PFKP: variants seen among roughly 807,000 people sequenced by gnomAD.
PFKP encodes the protein ATP-dependent 6-phosphofructokinase, platelet type.
A neutral mutation model predicts 94.3 loss-of-function variants in PFKP; 101 were observed. The observed-to-expected ratio is 1.07, with a 90% CI of 0.91 to 1.26. The LOEUF (loss-of-function observed/expected upper bound fraction) is 1.26, where lower values mean the gene tolerates loss of function less well. PFKP is among the 50% of genes most tolerant of loss of function. The pLI is 0.00. For missense variants in PFKP, 1,145 were observed against 1,103.3 expected (o/e 1.04, Z -0.53); for synonymous variants, 573 against 432.6 (o/e 1.32, Z -4.03).
At chr10:3,130,048 C>G in intron 17 of PFKP, 65 bp downstream of exon 17, 12 of 1,434,490 alleles carry the variant, frequency 8.4e-6, no homozygotes, top group Non-Finnish European at 1.1e-5. Context: ...CGGAGTGAAT[C>G]ATCGTGTCTA....
intron 5 of PFKP, 60 bp from the exon 6 acceptor site, chr10:3,105,055 G>C (rs959641797): frequency 2.7e-6 from 4 of 1,497,300 alleles, no homozygotes; most frequent in African/African-American, 1.4e-5. Context: ...CTGAGTGGGT[G>C]CTCCCTCTGT....
intron 1 of PFKP, among the ~76,000 whole-genome samples, chr10:3,073,084 G>T (rs1341937382): frequency 5.3e-5 from 8 of 151,888 alleles, no homozygotes; most frequent in Non-Finnish European, 1.2e-4. Flanking sequence ...TGGAATTACA[G>T]TCATTGTGCT....
intron 1 of PFKP, among the ~76,000 whole-genome samples, chr10:3,079,241 CT>C (rs71383139): frequency 6.6e-6 from 1 of 150,454 alleles, no homozygotes; most frequent in Non-Finnish European, 1.5e-5. Flanking sequence ...TCATGTCCAG[CT>C]TTTTTTTTCT....
Position 3,103,950 on chromosome 10 carries a change from G to A in PFKP, c.620+6G>A. 6.2e-7 allele frequency: 1 copy of A among 1,612,830 alleles called. No individual in the cohort carries two copies. ...ATCATGACCACGGCCCAGAGGTAAAGCGCTCAGAGGAACCGGCGGGAGGCC... is the reference window on the plus strand; with the variant it reads ...ATCATGACCACGGCCCAGAGGTAAAACGCTCAGAGGAACCGGCGGGAGGCC... On this transcript the variant is annotated splice_donor_region_variant and intron_variant, in intron 5 of 21. Transcript: ENST00000381125.
chr10:3,104,552 G>T (rs1208026681), intron 5 of PFKP, among the ~76,000 whole-genome samples: 4 of 152,242 alleles, frequency 2.6e-5, no homozygotes, highest in Non-Finnish European at 5.9e-5. Context: ...CTGTGTGCGT[G>T]TCCTGTTCCC....
chr10:3,083,346 T>C lies in PFKP; in HGVS notation c.186+885T>C, dbSNP rs145335254. Among the ~76,000 whole-genome samples, 947 of 152,296 alleles carry C rather than the reference T, an allele frequency of 6.2e-3. 9 individuals are homozygous for C. Among genetic ancestry groups the C allele is most frequent in the African/African-American group, 0.021 (889 of 41,556 alleles). ...AAAGTATTTGAAAGGAAGGCACCAATAGAGTTTGGATCACAGTATTAATTT... is the reference window on the plus strand; with the variant it reads ...AAAGTATTTGAAAGGAAGGCACCAACAGAGTTTGGATCACAGTATTAATTT... On this transcript the variant is annotated intron_variant, in intron 2 of 21. Transcript: ENST00000381125.
chr10:3,069,025 GCCGCCCCGC>G (rs937671557), intron 1 of PFKP, among the ~76,000 whole-genome samples: 7 of 150,342 alleles, frequency 4.7e-5, no homozygotes, highest in Admixed American at 2.6e-4. Flanking sequence ...CGCTGTGGGC[GCCGCCCCGC>G]CCGCCACGAG....
At position 3,133,134 on chromosome 10, in the gene PFKP, A is replaced by G. The variant is rs1405200682; in HGVS notation, c.1911-69A>G. Reference sequence around the variant, plus strand: ...TGCGGGAGTCCAGCCTCCCAGGGCCATCTCCCCAAGCAGGGAGCCACGTGC... The same window carrying G: ...TGCGGGAGTCCAGCCTCCCAGGGCCGTCTCCCCAAGCAGGGAGCCACGTGC... On this transcript the variant is annotated intron_variant, in intron 18 of 21. Transcript: ENST00000381125. The G allele has an allele frequency of 3.6e-6, 4 of 1,117,254 alleles. No individual in the cohort carries two copies. The East Asian group carries it at 7.0e-5, about 20-fold the overall frequency. 69.2% of individuals were successfully genotyped at this position (1,117,254 alleles called of 1,614,324 possible).
intron 16 of PFKP, among the ~76,000 whole-genome samples, chr10:3,128,536 T>C (rs563218011): frequency 7.2e-5 from 11 of 152,226 alleles, no homozygotes; most frequent in Admixed American, 2.6e-4. Flanking sequence ...GCAGGAGCCA[T>C]GGGCTGAGGC....
At chr10:3,092,283 C>A (rs1834105055) in intron 2 of PFKP, among the ~76,000 whole-genome samples, 1 of 152,186 alleles carries the variant, frequency 6.6e-6, no homozygotes, top group Non-Finnish European at 1.5e-5. Flanking sequence ...ATAAACAAAC[C>A]ATTAACTTAT....
chr10:3,105,458 C>A lies in PFKP; in HGVS notation c.731C>A (p.Pro244Gln), dbSNP rs1184355429. ...TGGGTGTTCCTTCCAGAATCTCCAC[C>A]AGAGGAAGGCTGGGAGGAGCAGATG... ...ADWVFLPESP[P>Q]EEGWEEQMCV... The change falls in exon 7 of 22, where the codon CCA (proline) becomes CAA (glutamine). Residue 244 changes from proline to glutamine, a missense_variant. Coordinates refer to ENST00000381125, the MANE Select transcript of PFKP (RefSeq NM_002627.5). 3.1e-6 allele frequency: 5 copies of A among 1,613,766 alleles called. No homozygotes were observed. The highest frequency in any genetic ancestry group is 3.4e-6 in the Non-Finnish European group (4 of 1,179,926).
intron 2 of PFKP, among the ~76,000 whole-genome samples, chr10:3,087,604 T>C (rs572177100): frequency 2.7e-4 from 41 of 152,344 alleles, no homozygotes; most frequent in African/African-American, 9.6e-4. Context: ...CCTTCGAAGC[T>C]GTCTAGGAGC....
chr10:3,068,425 G>A (rs1564250762), intron 1 of PFKP, among the ~76,000 whole-genome samples: 1 of 152,140 alleles, frequency 6.6e-6, no homozygotes. Context: ...TCGCCTTCCG[G>A]CTCGTGACAA....
At chr10:3,119,076 C>T (rs576339274) in intron 15 of PFKP, among the ~76,000 whole-genome samples, 2 of 130,286 alleles carry the variant, frequency 1.5e-5, no homozygotes, top group Admixed American at 1.6e-4. Context: ...GCAACTTAAC[C>T]GAGAAGCAAA....
chr10:3,124,630 A>T (rs1281994214), intron 16 of PFKP, among the ~76,000 whole-genome samples: 1 of 152,160 alleles, frequency 6.6e-6, no homozygotes, highest in African/African-American at 2.4e-5. Flanking sequence ...CCGCCTCTGC[A>T]CGATGAAGGC....
intron 20 of PFKP, among the ~76,000 whole-genome samples, chr10:3,135,292 T>TAA (rs1426269594): frequency 6.6e-6 from 1 of 152,156 alleles, no homozygotes; most frequent in Non-Finnish European, 1.5e-5. Context: ...TGACAGTCTA[T>TAA]AAAAACCAGT....
At chr10:3,091,262 G>C (rs1659030687) in intron 2 of PFKP, among the ~76,000 whole-genome samples, 1 of 152,084 alleles carries the variant, frequency 6.6e-6, no homozygotes, top group Non-Finnish European at 1.5e-5. Context: ...AATGGCTTTA[G>C]CTTCTTGGAG....
rs11251743 is a variant in PFKP, at chr10:3,136,588, C to G, written c.*9C>G. On this transcript the variant is annotated 3_prime_UTR_variant, in exon 22 of 22. Transcript: ENST00000381125. ...AGCCCTGGAGTGTCTGACCCAGTCC[C>G]GCCTGCATGTGCCTGCAGCCACCGT... The G allele has an allele frequency of 6.2e-7, 1 of 1,612,746 alleles. No homozygotes were observed. Among genetic ancestry groups the G allele is most frequent in the South Asian group, 1.1e-5 (1 of 90,896 alleles).
Position 3,114,297 on chromosome 10 carries a change from G to A in PFKP, c.1371+779G>A, listed in dbSNP as rs560048370. Among the ~76,000 whole-genome samples, 11 of 152,138 alleles carry A rather than the reference G, an allele frequency of 7.2e-5. No homozygotes were observed. The East Asian group carries it at 1.5e-3, about 21-fold the overall frequency. On this transcript the variant is annotated intron_variant, in intron 13 of 21. Coordinates refer to ENST00000381125, the MANE Select transcript of PFKP (RefSeq NM_002627.5). Reference sequence around the variant, plus strand: ...CCTGAGTAGCTGAAATTACAGGCACGCGCCACCACGCCCAGCTCATTTTTG... The same window carrying A: ...CCTGAGTAGCTGAAATTACAGGCACACGCCACCACGCCCAGCTCATTTTTG...
Sources: gnomAD v4.1 joint callset for allele counts (sites outside exome capture counted in the v4.1 genomes callset) on GRCh38, gnomAD v4.1.1 for gene constraint, MANE v1.5 for transcripts, NCBI Gene and HGNC (gene_info 2026-07-23, HGNC 2026-07-21) for gene names.